The following MGAT4C variants were observed in gnomAD, a reference collection of about 807,000 sequenced individuals.
MGAT4C encodes MGAT4 family member C.
Under a neutral mutation model 40.1 loss-of-function variants are expected in MGAT4C, and 19 were observed. The observed-to-expected ratio is 0.47, with a 90% confidence interval of 0.33 to 0.70. The LOEUF is 0.70. Ranked by LOEUF, MGAT4C falls within the 30% of genes least tolerant of loss-of-function variation. MGAT4C has a pLI of 0.02. For missense variants in MGAT4C, 491 were observed against 563.2 expected, an observed-to-expected ratio of 0.87 and a Z score of 1.30; for synonymous variants, 181 against 187.1, an observed-to-expected ratio of 0.97 and a Z score of 0.27.
At chr12:86,113,878 A>C (rs1877886312) in intron 1 of MGAT4C, among the ~76,000 whole-genome samples, 1 of 151,948 alleles carries the variant, frequency 6.6e-6, no homozygotes, top group Non-Finnish European at 1.5e-5. Flanking sequence ...AAAGCAAGAG[A>C]GACTGGAAAA....
At chr12:86,179,943 T>C (rs1162413740) in intron 1 of MGAT4C, among the ~76,000 whole-genome samples, 1 of 152,178 alleles carries the variant, frequency 6.6e-6, no homozygotes, top group Non-Finnish European at 1.5e-5. Flanking sequence ...CCCAACAGCA[T>C]GGGGAAAATG....
chr12:86,128,358 A>T (rs1322534834), intron 1 of MGAT4C, among the ~76,000 whole-genome samples: 1 of 152,130 alleles, frequency 6.6e-6, no homozygotes, highest in East Asian at 1.9e-4. Context: ...TCATGGGGGC[A>T]GTTTTCCCCA....
At chr12:86,640,353 T>A (rs1165429618) in intron 2 of MGAT4C, among the ~76,000 whole-genome samples, 1 of 151,814 alleles carries the variant, frequency 6.6e-6, no homozygotes, top group African/African-American at 2.4e-5. Context: ...TAGATAGAAA[T>A]ATGTCAAATT....
intron 2 of MGAT4C, among the ~76,000 whole-genome samples, chr12:86,453,602 C>G (rs1404374881): frequency 6.6e-6 from 1 of 152,094 alleles, no homozygotes; most frequent in African/African-American, 2.4e-5. Context: ...ACTTGACTCT[C>G]TCAATCTTGC....
At chr12:86,783,298 G>C (rs1451899630) in intron 1 of MGAT4C, among the ~76,000 whole-genome samples, 2 of 152,048 alleles carry the variant, frequency 1.3e-5, no homozygotes, top group Admixed American at 6.6e-5. Context: ...AAGTTTGATT[G>C]ACAAAGGGAA....
rs534153458 is a variant in MGAT4C at position 86,782,549 on chromosome 12, T to C, written c.-261-55308A>G. On this transcript the variant is annotated intron_variant, in intron 1 of 7. Coordinates refer to the MGAT4C transcript ENST00000548651. Reference sequence around the variant, plus strand: ...GTTAATATAAATATCTCACGAATGTTGTTATTAGTAGTGTAAATGAGTTTT... The same window carrying C: ...GTTAATATAAATATCTCACGAATGTCGTTATTAGTAGTGTAAATGAGTTTT... Among the ~76,000 whole-genome samples the C allele has an allele frequency of 7.9e-5, 12 of 152,256 alleles. No individual in the cohort carries two copies. The East Asian group carries it at 2.1e-3, about 27-fold the overall frequency.
At chr12:86,213,445 C>T (rs1950559761) in intron 1 of MGAT4C, among the ~76,000 whole-genome samples, 1 of 152,084 alleles carries the variant, frequency 6.6e-6, no homozygotes, top group African/African-American at 2.4e-5. Context: ...GAAATAAATA[C>T]CTCTTTAGGC....
At chr12:86,419,660 T>C (rs1956784367) in intron 3 of MGAT4C, among the ~76,000 whole-genome samples, 1 of 152,162 alleles carries the variant, frequency 6.6e-6, no homozygotes, top group South Asian at 2.1e-4. Context: ...AGTAATATTT[T>C]GGTACTCAAG....
intron 2 of MGAT4C, among the ~76,000 whole-genome samples, chr12:86,576,244 G>A (rs748282299): frequency 6.6e-6 from 1 of 151,796 alleles, no homozygotes; most frequent in African/African-American, 2.4e-5. Flanking sequence ...CCTTGTCAGA[G>A]AGGTAGTTTG....
chr12:86,254,486 TA>T (rs966004605), intron 1 of MGAT4C, among the ~76,000 whole-genome samples: 1 of 152,070 alleles, frequency 6.6e-6, no homozygotes, highest in African/African-American at 2.4e-5. Context: ...ATGATATAAA[TA>T]GATTTTTAAA....
In MGAT4C at chr12:86,147,805, A is replaced by G. The variant is rs929758522; in HGVS notation, c.-56-98082T>C. Among the ~76,000 whole-genome samples the G allele has an allele frequency of 3.3e-5, 5 of 152,318 alleles. No homozygotes were observed. The South Asian group carries it at 1.0e-3, about 32-fold the overall frequency. Reference sequence around the variant, plus strand: ...AGTATAATTACTTATGTTTACACTAATATTAGTAACTTATAGAGGAGACAC... The same window carrying G: ...AGTATAATTACTTATGTTTACACTAGTATTAGTAACTTATAGAGGAGACAC... On this transcript the variant is annotated intron_variant, in intron 1 of 4. Coordinates refer to ENST00000611864, the MANE Select transcript of MGAT4C (RefSeq NM_001351288.2).
At chr12:86,240,417 C>T (rs1351635452) in intron 1 of MGAT4C, among the ~76,000 whole-genome samples, 1 of 151,678 alleles carries the variant, frequency 6.6e-6, no homozygotes, top group African/African-American at 2.4e-5. Context: ...CAACTGGGAG[C>T]AAAATGAATA....
At position 86,337,586 on chromosome 12, in the gene MGAT4C, C is replaced by CAAA. The variant is rs59069586; in HGVS notation, c.-119-3462_-119-3460dup. ...GGACGACAGGAATGAAATCTTGTCT[C>CAAA]AAAAAAAAAAAAAAAAAAAAGTTGG... is the stretch of plus-strand genomic sequence containing the variant. On this transcript the variant is annotated intron_variant, in intron 3 of 7. Coordinates refer to the MGAT4C transcript ENST00000548651. Among the ~76,000 whole-genome samples, 300 of 65,628 alleles carry CAAA rather than the reference C, an allele frequency of 4.6e-3. 5 individuals are homozygous for CAAA. The highest frequency in any genetic ancestry group is 0.012 in the African/African-American group (282 of 24,078). 43.1% of individuals were successfully genotyped at this position (65,628 alleles called of 152,430 possible). A position where few individuals can be genotyped will look rare whatever the true frequency, so the allele number is the denominator to read the frequency against.
chr12:86,037,210 A>C (rs1431765578), intron 2 of MGAT4C, among the ~76,000 whole-genome samples: 6 of 149,832 alleles, frequency 4.0e-5, no homozygotes, highest in African/African-American at 1.5e-4. Flanking sequence ...CTAGCAGTCT[A>C]TCGATTTCGT....
In MGAT4C at chr12:86,529,984, T is replaced by G. The variant is rs112469555; in HGVS notation, c.-228-94719A>C. The stretch of plus-strand genomic sequence containing the variant: ...AATGTAAATGCTGTGTAGATGGTTG[T>G]GGTAATGTATTTAAAATTTTATATT... On this transcript the variant is annotated intron_variant, in intron 2 of 7. Coordinates refer to the MGAT4C transcript ENST00000548651. 3.3e-3 allele frequency among the ~76,000 whole-genome samples: 497 copies of G among 152,114 alleles called. 1 individual carries two copies. The highest frequency in any genetic ancestry group is 0.012 in the African/African-American group (480 of 41,570).
At chr12:86,615,227 T>A (rs745658446) in intron 2 of MGAT4C, among the ~76,000 whole-genome samples, 4 of 151,980 alleles carry the variant, frequency 2.6e-5, no homozygotes, top group Non-Finnish European at 5.9e-5. Flanking sequence ...AATTGATATA[T>A]CACTCAAAAA....
chr12:86,144,576 A>G (rs1283283588), intron 1 of MGAT4C, among the ~76,000 whole-genome samples: 1 of 152,190 alleles, frequency 6.6e-6, no homozygotes, highest in Non-Finnish European at 1.5e-5. Context: ...GTTTCCATGA[A>G]TTACAACCCC....
intron 2 of MGAT4C, among the ~76,000 whole-genome samples, chr12:86,702,464 A>G (rs1027045898): frequency 6.6e-5 from 10 of 152,044 alleles, no homozygotes; most frequent in African/African-American, 2.4e-4. Flanking sequence ...GGCTGGGCTG[A>G]CTCTCTTGTT....
At chr12:86,614,077 T>A (rs1184388147) in intron 2 of MGAT4C, among the ~76,000 whole-genome samples, 1 of 152,146 alleles carries the variant, frequency 6.6e-6, no homozygotes, top group Non-Finnish European at 1.5e-5. Flanking sequence ...TAAATTGGAC[T>A]TTGGACTTCT....
Sources: allele counts gnomAD v4.1 joint callset (sites outside exome capture counted in the v4.1 genomes callset), GRCh38; gene constraint gnomAD v4.1.1; transcripts MANE v1.5; gene names NCBI Gene and HGNC (gene_info 2026-07-23, HGNC 2026-07-21).